The following TNRC6A variants were observed in gnomAD, a reference collection of about 807,000 sequenced individuals.
TNRC6A encodes trinucleotide repeat-containing gene 6A protein.
TNRC6A carries 44 observed loss-of-function variants against 221.2 expected under a neutral mutation model. The ratio of observed to expected loss-of-function variants is 0.20; its 90% CI spans 0.16 to 0.26. The LOEUF (loss-of-function observed/expected upper bound fraction) is 0.26, where lower values mean the gene tolerates loss of function less well. Among genes scored for constraint, TNRC6A ranks in the 10% least tolerant of loss-of-function variants. The pLI is 1.00. For missense variants in TNRC6A, 2,199 were observed against 2,404.4 expected (o/e 0.91, Z 1.79); for synonymous variants, 847 against 838.5 (o/e 1.01, Z -0.18).
In TNRC6A at chr16:24,812,877, C is replaced by CTTTTTT. The variant is rs71383720; in HGVS notation, c.4673-2250_4673-2245dup. 1.7e-3 allele frequency among the ~76,000 whole-genome samples: 128 copies of CTTTTTT among 75,006 alleles called. 6 individuals carry two copies. The highest frequency in any genetic ancestry group is 2.2e-3 in the Non-Finnish European group (93 of 42,454). The allele number at this position is 75,006 out of a possible 152,430, so 49.2% of individuals were successfully genotyped here. A position where few individuals can be genotyped will look rare whatever the true frequency, so the allele number is the denominator to read the frequency against. ...AATGGAATTAATAGTACCTCTTGGGCTTTTTTTTTTTTTTTTTTTTTTTTT... is the reference window on the plus strand; with the variant it reads ...AATGGAATTAATAGTACCTCTTGGGCTTTTTTTTTTTTTTTTTTTTTTTTTTTTTTT... On this transcript the variant is annotated intron_variant, in intron 18 of 24. Coordinates refer to ENST00000395799, the MANE Select transcript of TNRC6A (RefSeq NM_014494.4).
At chr16:24,676,241 C>T (rs2055418442) in intron 2 of TNRC6A, among the ~76,000 whole-genome samples, 2 of 152,090 alleles carry the variant, frequency 1.3e-5, no homozygotes, top group South Asian at 2.1e-4. Context: ...TCACTGATGG[C>T]CTCCTTTTTG....
Position 24,807,188 on chromosome 16 carries a change from A to T in TNRC6A, c.4540+404A>T, listed in dbSNP as rs1393553996. 2.0e-5 allele frequency among the ~76,000 whole-genome samples: 3 copies of T among 152,066 alleles called. No homozygotes were observed. In the East Asian group the frequency reaches 5.8e-4, roughly 29 times the overall value. ...GCCCAGCTAATCTTTGTATTTTAAT[A>T]GATTTGGGGTTTCACCATGTTGGCC... On this transcript the variant is annotated intron_variant, in intron 17 of 24. Coordinates refer to ENST00000395799, the MANE Select transcript of TNRC6A (RefSeq NM_014494.4).
intron 2 of TNRC6A, among the ~76,000 whole-genome samples, chr16:24,658,198 G>T (rs1346541020): frequency 6.6e-6 from 1 of 152,204 alleles, no homozygotes; most frequent in Non-Finnish European, 1.5e-5. Context: ...TCTGCTTGCT[G>T]TTTTATTTCA....
In TNRC6A at chr16:24,645,435, A is replaced by C. The variant is rs536768698; in HGVS notation, n.402+4426A>C. Among the ~76,000 whole-genome samples, 66 of 152,006 alleles carry C rather than the reference A, an allele frequency of 4.3e-4. 1 individual carries two copies. Among genetic ancestry groups the C allele is most frequent in the African/African-American group, 1.5e-3 (62 of 41,446 alleles). On this transcript the variant is annotated intron_variant and non_coding_transcript_variant, in intron 2 of 2. Coordinates refer to the TNRC6A transcript ENST00000566108. ...AGCCTGGGAGGCAGAGGTTGCAGTGAGCCAAGATCACGCCACTGCACTCCA... is the reference window on the plus strand; with the variant it reads ...AGCCTGGGAGGCAGAGGTTGCAGTGCGCCAAGATCACGCCACTGCACTCCA...
chr16:24,729,992 C>T (rs1596559883), intron 1 of TNRC6A, 146 bp downstream of exon 1: 3 of 762,032 alleles, frequency 3.9e-6, no homozygotes, highest in Non-Finnish European at 5.0e-6. Context: ...GGCTGCGTTG[C>T]TGCGGAGGCC....
intron 2 of TNRC6A, among the ~76,000 whole-genome samples, chr16:24,732,758 G>A (rs1474222596): frequency 1.3e-5 from 2 of 152,078 alleles, no homozygotes; most frequent in South Asian, 2.1e-4. Flanking sequence ...TTCAGCATCC[G>A]CAGTAGCACT....
chr16:24,706,188 C>T (rs2056089819), intron 2 of TNRC6A, among the ~76,000 whole-genome samples: 1 of 152,146 alleles, frequency 6.6e-6, no homozygotes, highest in Non-Finnish European at 1.5e-5. Context: ...TAGAAGATTT[C>T]ATGATGTAAA....
chr16:24,761,641 G>A (rs1384794846), intron 4 of TNRC6A, among the ~76,000 whole-genome samples: 3 of 151,964 alleles, frequency 2.0e-5, no homozygotes, highest in Admixed American at 6.6e-5. Context: ...GAACTTTTGG[G>A]CTCAAGCAAT....
chr16:24,664,913 G>A (rs1159693786), intron 2 of TNRC6A: 5 of 455,882 alleles, frequency 1.1e-5, no homozygotes, highest in Non-Finnish European at 2.2e-5. Flanking sequence ...GAGAACGGAA[G>A]TGACGACAGA....
chr16:24,643,777 G>A (rs1277442533), intron 2 of TNRC6A, among the ~76,000 whole-genome samples: 2 of 145,678 alleles, frequency 1.4e-5, no homozygotes, highest in Admixed American at 6.8e-5. Flanking sequence ...GGCCACACAC[G>A]GACACTGATC....
intron 2 of TNRC6A, among the ~76,000 whole-genome samples, chr16:24,659,376 C>T (rs969051610): frequency 6.6e-6 from 1 of 152,020 alleles, no homozygotes; most frequent in Non-Finnish European, 1.5e-5. Flanking sequence ...TTTCTTTGAT[C>T]TGTCTGTCTC....
At chr16:24,796,223 A>G in intron 9 of TNRC6A, 1 of 354,738 alleles carries the variant, frequency 2.8e-6, no homozygotes, top group South Asian at 9.9e-5. Context: ...ATTTTTAGGA[A>G]GAAGTGACAA....
chr16:24,775,102 A>G (rs999796014), intron 4 of TNRC6A, among the ~76,000 whole-genome samples: 2 of 152,144 alleles, frequency 1.3e-5, no homozygotes, highest in Non-Finnish European at 1.5e-5. Flanking sequence ...CTAGTGCCAT[A>G]TGGTCTTCAT....
intron 5 of TNRC6A, among the ~76,000 whole-genome samples, chr16:24,786,738 G>A (rs545935556): frequency 2.6e-5 from 4 of 152,032 alleles, no homozygotes; most frequent in African/African-American, 9.7e-5. Flanking sequence ...CTGGAGTGCA[G>A]TGGCGCCATC....
At chr16:24,675,686 CTCTCTCTCTCTCTCTCTATATATATA>C (rs1338681187) in intron 2 of TNRC6A, among the ~76,000 whole-genome samples, 16 of 83,772 alleles carry the variant, frequency 1.9e-4, no homozygotes, top group South Asian at 1.4e-3. Context: ...CTCTCTCTCT[CTCTCTCTCTCTCTCTCTATATATATA>C]TATATATATA....
chr16:24,649,884 C>T (rs1277876569), intron 2 of TNRC6A, among the ~76,000 whole-genome samples: 1 of 131,562 alleles, frequency 7.6e-6, no homozygotes, highest in Non-Finnish European at 1.5e-5. Flanking sequence ...ATGACAGTGG[C>T]ACAATTTTGG....
intron 1 of TNRC6A, among the ~76,000 whole-genome samples, chr16:24,614,010 T>G (rs1900212769): frequency 6.6e-6 from 1 of 152,214 alleles, no homozygotes; most frequent in Non-Finnish European, 1.5e-5. Context: ...GCTGGGATCA[T>G]CTGGGCACTG....
Position 24,807,408 on chromosome 16 carries a change from G to T in TNRC6A, c.4540+624G>T, listed in dbSNP as rs557409000. 8.7e-4 allele frequency among the ~76,000 whole-genome samples: 132 copies of T among 152,290 alleles called. 1 individual carries two copies. The highest frequency in any genetic ancestry group is 1.6e-3 in the Non-Finnish European group (106 of 68,008). On this transcript the variant is annotated intron_variant, in intron 17 of 24. Transcript: ENST00000395799. ...GACTAGCTGTCTTAATCTTAAGTAGGATATTAAGGGTGGGAAGGAAGGCTG... is the reference window on the plus strand; with the variant it reads ...GACTAGCTGTCTTAATCTTAAGTAGTATATTAAGGGTGGGAAGGAAGGCTG...
At chr16:24,806,114 G>A (rs1367531267) in intron 15 of TNRC6A, 92 bp from the exon 16 acceptor site, 3 of 1,415,850 alleles carry the variant, frequency 2.1e-6, no homozygotes, top group East Asian at 2.3e-5. Context: ...AGATCACGTC[G>A]TGCCTCTGTA....
Sources: allele counts gnomAD v4.1 joint callset (sites outside exome capture counted in the v4.1 genomes callset), GRCh38; gene constraint gnomAD v4.1.1; transcripts MANE v1.5; gene names NCBI Gene and HGNC (gene_info 2026-07-23, HGNC 2026-07-21).